The following TMPRSS9 variants were observed in gnomAD, a reference collection of about 807,000 sequenced individuals.
TMPRSS9 encodes transmembrane protease serine 9.
Under a neutral mutation model 111.4 loss-of-function variants are expected in TMPRSS9, and 113 were observed. That is an observed-to-expected ratio of 1.01 (90% confidence interval 0.87 to 1.19). The LOEUF is 1.19. Among genes scored for constraint, TMPRSS9 ranks in the 50% most tolerant of loss-of-function variants. The pLI, the probability that TMPRSS9 is intolerant of heterozygous loss-of-function variation, is 0.00. For synonymous variants in TMPRSS9, 805 were observed against 659.1 expected (o/e 1.22, Z -3.39); for missense variants, 1,803 against 1,513.1 (o/e 1.19, Z -3.18).
At chr19:2,408,356 G>A in exon 8 of TMPRSS9, 2 of 1,611,694 alleles carry the variant, frequency 1.2e-6, no homozygotes, top group Non-Finnish European at 1.7e-6. Flanking sequence ...GCTCCTGCAG[G>A]TTCCAAGACC....
At chr19:2,385,231 C>T (rs1170489939), upstream of TMPRSS9, among the ~76,000 whole-genome samples, 1 of 148,946 alleles carries the variant, frequency 6.7e-6, no homozygotes, top group African/African-American at 2.5e-5. Context: ...GGGCGGGGCT[C>T]GCACAGGGCT....
intron 1 of TMPRSS9, among the ~76,000 whole-genome samples, chr19:2,378,389 G>A (rs556380772): frequency 1.8e-4 from 28 of 152,130 alleles, no homozygotes; most frequent in Non-Finnish European, 3.2e-4. Context: ...AAGTGTTGAC[G>A]GGACACTGTG....
At chr19:2,404,294 ATT>A (rs577169451) in intron 6 of TMPRSS9, among the ~76,000 whole-genome samples, 1,830 of 152,156 alleles carry the variant, frequency 0.012, 16 homozygotes, top group Non-Finnish European at 0.019. Flanking sequence ...ATTTGAAATC[ATT>A]GTCTGTCTAA....
At chr19:2,416,474 T>C (rs1971233209) in intron 11 of TMPRSS9, 64 bp from the exon 13 acceptor site, 1 of 1,550,700 alleles carries the variant, frequency 6.4e-7, no homozygotes, top group Admixed American at 1.7e-5. Context: ...ATCAGCCCTG[T>C]CCCTCCCCAA....
chr19:2,414,446 G>C (rs1386796809), intron 10 of TMPRSS9, among the ~76,000 whole-genome samples: 1 of 152,000 alleles, frequency 6.6e-6, no homozygotes, highest in African/African-American at 2.4e-5. Flanking sequence ...CCCCATGTTG[G>C]TCAGGCTGGC....
chr19:2,364,010 TG>T (rs1970228038), intron 1 of TMPRSS9, among the ~76,000 whole-genome samples: 3 of 151,844 alleles, frequency 2.0e-5, no homozygotes, highest in Admixed American at 6.6e-5. Context: ...AGGACGCTGT[TG>T]GTATAAGCAC....
At chr19:2,410,166 C>T (rs1342954328) in intron 8 of TMPRSS9, 92 bp from the exon 10 acceptor site, 9 of 1,556,174 alleles carry the variant, frequency 5.8e-6, no homozygotes, top group African/African-American at 1.4e-5. Context: ...CTGAGGGAGG[C>T]TTGGAGAGGA....
intron 1 of TMPRSS9, among the ~76,000 whole-genome samples, chr19:2,384,050 C>T (rs1970421915): frequency 6.6e-6 from 1 of 152,074 alleles, no homozygotes. Context: ...GTGTCCAGAG[C>T]AACTCCACTC....
At chr19:2,422,036 C>G (rs553359939) in exon 14 of TMPRSS9, 11 of 1,612,726 alleles carry the variant, frequency 6.8e-6, no homozygotes, top group Admixed American at 3.3e-5. Flanking sequence ...TGTCTCCCCC[C>G]TCGACCACAA....
chr19:2,405,360 C>A lies in TMPRSS9; in HGVS notation c.671-14C>A. ...CCTTCGTGGGGTCATGGCTGGTGAC[C>A]TGCTGTCTTGCAGAGTGTGGCTTGC... On this transcript the variant is annotated splice_polypyrimidine_tract_variant and intron_variant, in intron 6 of 17. Transcript: ENST00000648592. The A allele has an allele frequency of 3.2e-6, 5 of 1,580,814 alleles. No homozygotes were observed. In the South Asian group the frequency reaches 5.8e-5, roughly 18 times the overall value.
intron 1 of TMPRSS9, among the ~76,000 whole-genome samples, chr19:2,369,465 C>G (rs1370356263): frequency 2.0e-5 from 3 of 152,040 alleles, no homozygotes; most frequent in African/African-American, 7.2e-5. Flanking sequence ...GTCACCCTCA[C>G]CCAGGCTGCA....
intron 10 of TMPRSS9, among the ~76,000 whole-genome samples, chr19:2,414,481 G>T (rs1414004560): frequency 6.6e-6 from 1 of 151,984 alleles, no homozygotes; most frequent in Non-Finnish European, 1.5e-5. Context: ...TTCATCATCT[G>T]CCCACCTCAG....
At chr19:2,396,304 C>A in intron 1 of TMPRSS9, 1 of 465,160 alleles carries the variant, frequency 2.1e-6, no homozygotes, top group East Asian at 3.5e-5. Context: ...CTGGGGACCT[C>A]CGGGTGGGTG....
At chr19:2,396,403 G>A (rs1345540041) in intron 1 of TMPRSS9, 136 bp from the exon 3 acceptor site, 7 of 1,066,588 alleles carry the variant, frequency 6.6e-6, no homozygotes, top group South Asian at 2.1e-5. Context: ...TCACGGGGGC[G>A]TCGACCACCC....
rs888768279 is a variant in TMPRSS9 at position 2,392,687 on chromosome 19, G to A, written c.142+2760G>A. Among the ~76,000 whole-genome samples, 4 of 152,168 alleles carry A rather than the reference G, an allele frequency of 2.6e-5. No homozygotes were observed. The South Asian group carries it at 6.2e-4, about 24-fold the overall frequency. ...TGTCTAGCTAATCTGGTGGGGACTT[G>A]GATAACTTTTATGTCTAACTAGAGG... is the stretch of plus-strand genomic sequence containing the variant. On this transcript the variant is annotated intron_variant, in intron 1 of 17. Transcript: ENST00000648592.
intron 13 of TMPRSS9, among the ~76,000 whole-genome samples, chr19:2,419,594 G>A (rs1971418222): frequency 6.6e-6 from 1 of 151,206 alleles, no homozygotes; most frequent in East Asian, 1.9e-4. Context: ...TCGGCTCACT[G>A]CAACCTCTGC....
rs540485988 is a variant in TMPRSS9, at chr19:2,418,339, C to T, written c.2154+201C>T. Among the ~76,000 whole-genome samples, 242 of 44,714 alleles carry T rather than the reference C, an allele frequency of 5.4e-3. 35 individuals carry two copies. Among genetic ancestry groups the T allele is most frequent in the African/African-American group, 0.014 (108 of 7,606 alleles). 29.3% of individuals were successfully genotyped at this position (44,714 alleles called of 152,430 possible). ...CCTCCCTCCCTCCCTCCCTTTCCTT[C>T]CCTCCCTTTCCCTCCCTCCCTCCCT... is the stretch of plus-strand genomic sequence containing the variant. On this transcript the variant is annotated intron_variant, in intron 13 of 17. Transcript: ENST00000648592.
intron 1 of TMPRSS9, among the ~76,000 whole-genome samples, chr19:2,393,287 C>G (rs1459411818): frequency 2.6e-5 from 4 of 152,132 alleles, no homozygotes; most frequent in African/African-American, 9.7e-5. Flanking sequence ...TCTGCAGTTT[C>G]ACTCCTGAGG....
intron 14 of TMPRSS9, among the ~76,000 whole-genome samples, chr19:2,423,784 G>A (rs940197954): frequency 1.3e-5 from 2 of 152,024 alleles, no homozygotes; most frequent in African/African-American, 4.8e-5. Context: ...CTTGGGGTGG[G>A]AGGGAACTCC....
Sources: gnomAD v4.1 joint callset for allele counts (sites outside exome capture counted in the v4.1 genomes callset) on GRCh38, gnomAD v4.1.1 for gene constraint, MANE v1.5 for transcripts, NCBI Gene and HGNC (gene_info 2026-07-23, HGNC 2026-07-21) for gene names.